TANC1: variants seen among roughly 807,000 people sequenced by gnomAD.
TANC1 encodes the protein tetratricopeptide repeat, ankyrin repeat and coiled-coil containing 1.
TANC1 carries 77 observed loss-of-function variants against 149.7 expected under a neutral mutation model. The ratio of observed to expected loss-of-function variants is 0.51; its 90% CI spans 0.43 to 0.62. TANC1 has a LOEUF of 0.62. Ranked by LOEUF, TANC1 falls within the 20% of genes least tolerant of loss-of-function variation. The probability of loss-of-function intolerance (pLI) is 0.00; values close to 1 mark genes in which losing one functional copy is unlikely to be tolerated. For synonymous variants in TANC1, 854 were observed against 925.0 expected, an observed-to-expected ratio of 0.92 and a Z score of 1.39; for missense variants, 1,985 against 2,321.8, an observed-to-expected ratio of 0.85 and a Z score of 2.98.
At position 159,219,784 on chromosome 2, in the gene TANC1, G is replaced by A. The variant is rs1261610934; in HGVS notation, c.3595G>A (p.Glu1199Lys). The A allele has an allele frequency of 6.2e-7, 1 of 1,614,062 alleles. No homozygotes were observed. Among genetic ancestry groups the A allele is most frequent in the African/African-American group, 1.3e-5 (1 of 74,916 alleles). Reference sequence around the variant, plus strand: ...CAGGGCAGTGGTCCAGTATCTGGTTGAAGAAGGAGCTGCAATAGACCAGAC... The same window carrying A: ...CAGGGCAGTGGTCCAGTATCTGGTTAAAGAAGGAGCTGCAATAGACCAGAC... ...GHRAVVQYLVEEGAAIDQTDK... is the reference protein window; with the variant it reads ...GHRAVVQYLVKEGAAIDQTDK... The change falls in exon 22 of 27, where the codon GAA becomes AAA. Residue 1199 changes from glutamate (E) to lysine (K), a missense_variant. Physicochemically the swap from Glu to Lys is moderately conservative, Grantham distance 56. Transcript: ENST00000263635.
At chr2:158,996,149 G>A (rs11686628) in intron 1 of TANC1, among the ~76,000 whole-genome samples, 32,965 of 152,162 alleles carry the variant, frequency 0.22, 3,869 homozygotes, top group South Asian at 0.43. Context: ...CCAGGAGTTC[G>A]AGACCAGCCT....
intron 1 of TANC1, among the ~76,000 whole-genome samples, chr2:158,989,469 A>T (rs2035376429): frequency 6.6e-6 from 1 of 151,586 alleles, no homozygotes; most frequent in South Asian, 2.1e-4. Flanking sequence ...AATCAGCTGA[A>T]CGTGGTGGCT....
At chr2:159,037,897 C>G (rs1222700613) in intron 2 of TANC1, among the ~76,000 whole-genome samples, 1 of 152,130 alleles carries the variant, frequency 6.6e-6, no homozygotes, top group Non-Finnish European at 1.5e-5. Flanking sequence ...TGAAGAAAGT[C>G]ATTGGTAGCT....
chr2:158,995,224 C>T (rs1393317471), intron 1 of TANC1, among the ~76,000 whole-genome samples: 1 of 152,110 alleles, frequency 6.6e-6, no homozygotes, highest in Non-Finnish European at 1.5e-5. Flanking sequence ...GTGATCTAGT[C>T]TTGAAGGTGG....
At chr2:159,133,603 C>T (rs540241689) in intron 4 of TANC1, among the ~76,000 whole-genome samples, 4 of 152,016 alleles carry the variant, frequency 2.6e-5, no homozygotes, top group Non-Finnish European at 5.9e-5. Flanking sequence ...AGCTCCACCC[C>T]CAAACCCCCA....
At position 159,065,632 on chromosome 2, in the gene TANC1, G is replaced by A. The variant is rs1431246443; in HGVS notation, c.-15-264G>A. 2.1e-5 allele frequency among the ~76,000 whole-genome samples: 3 copies of A among 144,770 alleles called. No homozygotes were observed. The Admixed American group carries it at 2.1e-4, about 10-fold the overall frequency. The allele number at this position is 144,770 out of a possible 152,430, so 95.0% of individuals were successfully genotyped here. ...TAATTAGATGTGGAATGCTGAGAAT[G>A]CACTATTGTTTTTTTTTTTTTTTAG... On this transcript the variant is annotated intron_variant, in intron 2 of 26. Coordinates refer to ENST00000263635, the MANE Select transcript of TANC1 (RefSeq NM_033394.3).
intron 2 of TANC1, among the ~76,000 whole-genome samples, chr2:159,033,208 T>C (rs190753285): frequency 6.6e-6 from 1 of 152,222 alleles, no homozygotes; most frequent in East Asian, 1.9e-4. Context: ...TTGTGTGAGT[T>C]CAGAGAAGAG....
At chr2:159,176,004 C>A (rs1037391291) in intron 12 of TANC1, among the ~76,000 whole-genome samples, 2 of 152,138 alleles carry the variant, frequency 1.3e-5, no homozygotes, top group Non-Finnish European at 2.9e-5. Context: ...ATGGGGGGAC[C>A]TAGTGACCTT....
At chr2:159,035,159 G>A (rs972877534) in intron 2 of TANC1, among the ~76,000 whole-genome samples, 18 of 152,152 alleles carry the variant, frequency 1.2e-4, no homozygotes, top group African/African-American at 4.3e-4. Flanking sequence ...GTTCATCCTT[G>A]CAAGAAAGTG....
chr2:159,146,644 G>A lies in TANC1; in HGVS notation c.365-2498G>A, dbSNP rs190630684. On this transcript the variant is annotated intron_variant, in intron 5 of 26. Transcript: ENST00000263635. ...CAACCTCTGCCTCCCGGATTCAAGTGATTCCCCTGCCTCAGCCTCCCGAGT... is the reference window on the plus strand; with the variant it reads ...CAACCTCTGCCTCCCGGATTCAAGTAATTCCCCTGCCTCAGCCTCCCGAGT... 2.3e-4 allele frequency among the ~76,000 whole-genome samples: 34 copies of A among 149,326 alleles called. No individual in the cohort carries two copies. In the East Asian group the frequency reaches 6.4e-3, roughly 28 times the overall value.
intron 7 of TANC1, among the ~76,000 whole-genome samples, chr2:159,157,927 G>A (rs1402825791): frequency 6.6e-6 from 1 of 152,144 alleles, no homozygotes; most frequent in Non-Finnish European, 1.5e-5. Context: ...GCAACCCAGG[G>A]AAGGACAAAT....
chr2:159,170,422 G>A, intron 9 of TANC1, 102 bp from the exon 10 acceptor site: 1 of 1,083,046 alleles, frequency 9.2e-7, no homozygotes, highest in South Asian at 1.7e-5. Flanking sequence ...CCTAGTGGGG[G>A]TAAAGCTAAG....
At chr2:159,012,522 C>T (rs2037874082) in intron 2 of TANC1, among the ~76,000 whole-genome samples, 1 of 151,830 alleles carries the variant, frequency 6.6e-6, no homozygotes, top group Non-Finnish European at 1.5e-5. Flanking sequence ...GTTGAAGTCT[C>T]TGCCACACAA....
intron 1 of TANC1, among the ~76,000 whole-genome samples, chr2:158,975,617 G>A (rs1379773877): frequency 6.6e-6 from 1 of 151,450 alleles, no homozygotes; most frequent in Non-Finnish European, 1.5e-5. Flanking sequence ...AGGCGGGCGG[G>A]TAGAGACAGG....
intron 4 of TANC1, among the ~76,000 whole-genome samples, chr2:159,115,463 G>A (rs1268519899): frequency 6.6e-6 from 1 of 152,152 alleles, no homozygotes; most frequent in East Asian, 1.9e-4. Flanking sequence ...TTAGGTTGTG[G>A]TGACCTGTTT....
At chr2:159,045,325 G>T (rs552395121) in intron 2 of TANC1, among the ~76,000 whole-genome samples, 1 of 152,238 alleles carries the variant, frequency 6.6e-6, no homozygotes, top group Admixed American at 6.5e-5. Flanking sequence ...CCAGCTACTC[G>T]GGAGGCTGAG....
chr2:159,018,932 G>A (rs1428309570), intron 2 of TANC1, among the ~76,000 whole-genome samples: 1 of 152,114 alleles, frequency 6.6e-6, no homozygotes, highest in African/African-American at 2.4e-5. Context: ...TGCCTTCTCG[G>A]GCATGAAGGT....
At chr2:159,086,877 G>GT (rs896008112) in intron 3 of TANC1, among the ~76,000 whole-genome samples, 1 of 148,170 alleles carries the variant, frequency 6.7e-6, no homozygotes, top group African/African-American at 2.5e-5. Context: ...TTTTCTACAT[G>GT]TTTTTGAAAA....
rs1357110971 is a variant in TANC1 at position 159,172,186 on chromosome 2, T to G, written c.1417T>G (p.Ser473Ala). The change falls in exon 11 of 27, where the codon TCC becomes GCC. Residue 473 changes from serine (S) to alanine (A), a missense_variant. Around this residue, in one of 3 missense-constraint regions of TANC1, gnomAD observed 557 missense variants for 612.9 expected, o/e 0.91. Coordinates refer to ENST00000263635, the MANE Select transcript of TANC1 (RefSeq NM_033394.3). Reference sequence around the variant, plus strand: ...TTCACCGAGTTCTTCCACAAGTGCTTCCAGCACAGCTAAAACACCTCTTGG... The same window carrying G: ...TTCACCGAGTTCTTCCACAAGTGCTGCCAGCACAGCTAAAACACCTCTTGG... ...LLSPSSSTSA[S>A]STAKTPLGSI... 3 of 1,614,194 alleles carry G rather than the reference T, an allele frequency of 1.9e-6. No homozygotes were observed. Among genetic ancestry groups the G allele is most frequent in the South Asian group, 2.2e-5 (2 of 91,080 alleles).
Sources: gnomAD v4.1 joint callset for allele counts (sites outside exome capture counted in the v4.1 genomes callset) on GRCh38, gnomAD v4.1.1 for gene constraint, gnomAD v4.1.1 regional missense constraint, MANE v1.5 for transcripts, NCBI Gene and HGNC (gene_info 2026-07-23, HGNC 2026-07-21) for gene names.